DHX38: variants seen among roughly 807,000 people sequenced by gnomAD.
DHX38 encodes the protein DEAH-box helicase 38.
DHX38 carries 100 observed loss-of-function variants against 153.1 expected under a neutral mutation model. The ratio of observed to expected loss-of-function variants is 0.65; its 90% CI spans 0.56 to 0.77. DHX38 has a LOEUF of 0.77. Ranked by LOEUF, DHX38 falls within the 30% of genes least tolerant of loss-of-function variation. DHX38 has a pLI of 0.00. For missense variants in DHX38, 1,440 were observed against 1,654.0 expected (o/e 0.87, Z 2.24); for synonymous variants, 650 against 631.7 (o/e 1.03, Z -0.43).
At position 72,107,364 on chromosome 16, in the gene DHX38, G is replaced by C. The variant is rs1369183695; in HGVS notation, c.2625G>C (p.Lys875Asn). The stretch of plus-strand genomic sequence containing the variant: ...GGCTCTACACCCAGAGCGCCTACAA[G>C]AATGAGCTCCTGACCACCACAGTGC... ...CFRLYTQSAY[K>N]NELLTTTVPE... Residue 875 changes from lysine (K) to asparagine (N), a missense_variant, in exon 20 of 27, where the codon AAG becomes AAC. Transcript: ENST00000268482. This position sits in a 1 kb window ranked among gnomAD's most constrained non-coding sequence, Gnocchi z 5.3. The C allele has an allele frequency of 1.2e-6, 2 of 1,611,890 alleles. No homozygotes were observed. Among genetic ancestry groups the C allele is most frequent in the African/African-American group, 2.7e-5 (2 of 74,924 alleles).
In DHX38 at chr16:72,105,129, G is replaced by T; in HGVS notation, c.2254G>T (p.Asp752Tyr). The T allele has an allele frequency of 1.2e-6, 2 of 1,614,232 alleles. No individual in the cohort carries two copies. The highest frequency in any genetic ancestry group is 1.7e-6 in the Non-Finnish European group (2 of 1,180,036). The change falls in exon 16 of 27, where the codon GAC (aspartate) becomes TAC (tyrosine). Residue 752 changes from aspartate to tyrosine, a missense_variant. This residue lies in a region of DHX38 where 543 missense variants were observed against 717.9 expected (regional missense o/e 0.76). Transcript: ENST00000268482. ...DILIFMPGQE[D>Y]IEVTSDQIVE... ...CCTTATCTTCATGCCTGGCCAAGAG[G>T]ACATTGAGGTGCGTGCCTTGGTCAC...
At chr16:72,105,487 AT>A in intron 17 of DHX38, 29 bp from the exon 18 acceptor site, 1 of 1,613,216 alleles carries the variant, frequency 6.2e-7, no homozygotes. Flanking sequence ...CGAGGGACTC[AT>A]TTTTCCCTTC....
In DHX38 at chr16:72,108,817, G is replaced by A; in HGVS notation, c.3273G>A (p.Val1091=). ...CTCCCTAGGGAATCGGGGAGTACGT[G>A]AACATCCGCACAGGGATGCCCTGCC... ...AAKLKGIGEY[V]NIRTGMPCHL... The change falls in exon 24 of 27, where the codon GTG becomes GTA. Residue 1091 remains valine, a synonymous_variant. Transcript: ENST00000268482. The A allele has an allele frequency of 2.5e-6, 4 of 1,613,846 alleles. No individual in the cohort carries two copies. Among genetic ancestry groups the A allele is most frequent in the Non-Finnish European group, 3.4e-6 (4 of 1,179,884 alleles).
chr16:72,101,411 G>T, intron 10 of DHX38, 89 bp from the exon 11 acceptor site: 5 of 1,345,104 alleles, frequency 3.7e-6, no homozygotes, highest in South Asian at 1.3e-5. Flanking sequence ...TACCACCTGC[G>T]GGGTGAAGTC....
In DHX38 at chr16:72,107,474, T is replaced by C; in HGVS notation, c.2735T>C (p.Met912Thr). ...GVQDLLQFHFMDPPPEDNMLN... is the reference protein window; with the variant it reads ...GVQDLLQFHFTDPPPEDNMLN... ...CAGGACCTGCTGCAGTTCCACTTCA[T>C]GGACCCGCCCCCGGAGGACAACATG... The change falls in exon 20 of 27, where the codon ATG becomes ACG. Residue 912 changes from methionine (M) to threonine (T), a missense_variant. Transcript: ENST00000268482. This position sits in a 1 kb window ranked among gnomAD's most constrained non-coding sequence, Gnocchi z 5.3. 2 of 1,614,196 alleles carry C rather than the reference T, an allele frequency of 1.2e-6. No individual in the cohort carries two copies. Among genetic ancestry groups the C allele is most frequent in the African/African-American group, 1.3e-5 (1 of 75,050 alleles).
chr16:72,096,391 C>G lies in DHX38; in HGVS notation c.234C>G (p.Ser78=), dbSNP rs1181493754. 6.2e-7 allele frequency: 1 copy of G among 1,614,102 alleles called. No individual in the cohort carries two copies. Among genetic ancestry groups the G allele is most frequent in the South Asian group, 1.1e-5 (1 of 91,074 alleles). The part of the protein sequence containing the change: ...GEDKKKSKVS[S]YKDWEESKDD... ...ACAAGAAGAAGTCCAAAGTCTCCTC[C>G]TACAAGGACTGGGAAGAGAGCAAGG... is the stretch of plus-strand genomic sequence containing the variant. Residue 78 remains serine (S), a synonymous_variant, in exon 2 of 27, where the codon TCC becomes TCG. Transcript: ENST00000268482.
rs117638608 is a variant in DHX38, at chr16:72,104,481, C to T, written c.2011-5C>T. The T allele has an allele frequency of 6.3e-4, 1,015 of 1,613,756 alleles. 16 individuals are homozygous for T. The East Asian group carries it at 0.017, about 28-fold the overall frequency. On this transcript the variant is annotated splice_polypyrimidine_tract_variant and splice_region_variant and intron_variant, in intron 14 of 26. Transcript: ENST00000268482. The surrounding 1 kb of genome is among the most constrained non-coding windows in gnomAD (Gnocchi z 4.5). ...TGGGGGCCTCCGAGCCGCCTCTTCT[C>T]TCAGGTAGTGGCTCGGCGCTCAGAC...
rs904519773 is a variant in DHX38, at chr16:72,108,254, C to T, written c.2992C>T (p.Arg998Trp). 6 of 1,613,904 alleles carry T rather than the reference C, an allele frequency of 3.7e-6. No homozygotes were observed. Among genetic ancestry groups the T allele is most frequent in the South Asian group, 1.1e-5 (1 of 91,066 alleles). ...TCGAGAGGAGGAGAGTGATCAAATC[C>T]GGGAGAAGTTCGCTGTTCCTGAGAG... Reference protein sequence around the residue: ...KGREEESDQIREKFAVPESDH... With the variant: ...KGREEESDQIWEKFAVPESDH... The change falls in exon 22 of 27, where the codon CGG becomes TGG. Residue 998 changes from arginine to tryptophan, a missense_variant. This residue lies in a region of DHX38 where 543 missense variants were observed against 717.9 expected (regional missense o/e 0.76). Coordinates refer to ENST00000268482, the MANE Select transcript of DHX38 (RefSeq NM_014003.4).
intron 4 of DHX38, 60 bp from the exon 5 acceptor site, chr16:72,098,585 T>C: frequency 6.3e-7 from 1 of 1,597,634 alleles, no homozygotes; most frequent in Non-Finnish European, 8.6e-7. Context: ...TGGCAACTGG[T>C]TCTAGACCAT....
chr16:72,109,093 C>G (rs967552636), intron 24 of DHX38, among the ~76,000 whole-genome samples, 168 bp downstream of exon 24: 16 of 152,202 alleles, frequency 1.1e-4, no homozygotes, highest in Admixed American at 1.0e-3. Context: ...TGGGGAAGCT[C>G]TGCACAGGGT....
intron 8 of DHX38, 38 bp downstream of exon 8, chr16:72,099,925 T>C: frequency 1.3e-6 from 2 of 1,570,364 alleles, no homozygotes; most frequent in Non-Finnish European, 1.7e-6. Context: ...GATTCAGAGC[T>C]GGAGGTAGAG....
chr16:72,103,529 C>A, intron 12 of DHX38, 73 bp from the exon 13 acceptor site: 1 of 1,512,428 alleles, frequency 6.6e-7, no homozygotes, highest in Non-Finnish European at 9.0e-7. Context: ...TAGGAGGTAG[C>A]GGAGTCTTCT....
chr16:72,100,146 C>A (rs2042080700), intron 8 of DHX38, among the ~76,000 whole-genome samples: 1 of 152,182 alleles, frequency 6.6e-6, no homozygotes, highest in Admixed American at 6.5e-5. Context: ...GGACCTGCCT[C>A]TGTGGTCTGT....
chr16:72,108,785 G>C lies in DHX38; in HGVS notation c.3256-15G>C. On this transcript the variant is annotated splice_polypyrimidine_tract_variant and intron_variant, in intron 23 of 26. Coordinates refer to ENST00000268482, the MANE Select transcript of DHX38 (RefSeq NM_014003.4). ...TGTTTTCCTGATGTGGCTGCCTGTT[G>C]TGTCTCCTCCCTAGGGAATCGGGGA... 1 of 1,610,720 alleles carries C rather than the reference G, an allele frequency of 6.2e-7. No homozygotes were observed. Among genetic ancestry groups the C allele is most frequent in the Non-Finnish European group, 8.5e-7 (1 of 1,178,288 alleles).
intron 11 of DHX38, 91 bp from the exon 12 acceptor site, chr16:72,102,983 A>T: frequency 6.5e-7 from 1 of 1,532,224 alleles, no homozygotes; most frequent in Admixed American, 1.9e-5. Context: ...CGAAGTCCTC[A>T]TTCCTGAGCG....
At chr16:72,105,866 A>G in intron 18 of DHX38, 139 bp from the exon 19 acceptor site, 1 of 767,894 alleles carries the variant, frequency 1.3e-6, no homozygotes, top group Non-Finnish European at 2.2e-6. Context: ...AGACTTCTTC[A>G]GGTGTTCATG....
At position 72,107,838 on chromosome 16, in the gene DHX38, G is replaced by A. The variant is rs749856564; in HGVS notation, c.2964+39G>A. The A allele has an allele frequency of 1.5e-5, 24 of 1,602,690 alleles. No homozygotes were observed. The highest frequency in any genetic ancestry group is 2.2e-5 in the East Asian group (1 of 44,748). On this transcript the variant is annotated intron_variant, in intron 21 of 26. Coordinates refer to ENST00000268482, the MANE Select transcript of DHX38 (RefSeq NM_014003.4). The surrounding 1 kb of genome is among the most constrained non-coding windows in gnomAD (Gnocchi z 5.3). Reference sequence around the variant, plus strand: ...TGGCTCCCCTCTCCCCGGAGGGCTCGAGGAAGTGTTGGGGAGGGGAATGGC... The same window carrying A: ...TGGCTCCCCTCTCCCCGGAGGGCTCAAGGAAGTGTTGGGGAGGGGAATGGC...
At chr16:72,110,601 C>A (rs193253350) in intron 25 of DHX38, among the ~76,000 whole-genome samples, 2 of 152,368 alleles carry the variant, frequency 1.3e-5, no homozygotes, top group African/African-American at 4.8e-5. Context: ...CCATACCAGG[C>A]TCCCTTGCAT....
chr16:72,104,353 A>T lies in DHX38; in HGVS notation c.2011-133A>T. 1 of 1,333,014 alleles carries T rather than the reference A, an allele frequency of 7.5e-7. No homozygotes were observed. The highest frequency in any genetic ancestry group is 2.5e-5 in the Admixed American group (1 of 40,680). The allele number at this position is 1,333,014 out of a possible 1,614,324, so 82.6% of individuals were successfully genotyped here. A position where few individuals can be genotyped will look rare whatever the true frequency, so the allele number is the denominator to read the frequency against. On this transcript the variant is annotated intron_variant, in intron 14 of 26. Transcript: ENST00000268482. This position sits in a 1 kb window ranked among gnomAD's most constrained non-coding sequence, Gnocchi z 4.5. ...CAGTGGCTCCATTGCTTCAGTCTTC[A>T]TGATTGGTAAGAATTGAATAGGCCC...
Sources: gnomAD v4.1 joint callset for allele counts (sites outside exome capture counted in the v4.1 genomes callset) on GRCh38, gnomAD v4.1.1 for gene constraint, gnomAD v4.1.1 regional missense constraint, Gnocchi (gnomAD v3.1) non-coding constraint, MANE v1.5 for transcripts, NCBI Gene and HGNC (gene_info 2026-07-23, HGNC 2026-07-21) for gene names.